Variants in INTS6 observed in about 807,000 individuals in gnomAD.
The protein encoded by INTS6 is DEAD box protein.
A neutral mutation model predicts 104.9 loss-of-function variants in INTS6; 16 were observed. The observed-to-expected ratio is 0.15, with a 90% CI of 0.10 to 0.23. INTS6 has a LOEUF of 0.23. INTS6 is among the 10% of genes least tolerant of loss of function. INTS6 has a pLI of 1.00. For synonymous variants in INTS6, 324 were observed against 358.7 expected, an observed-to-expected ratio of 0.90 and a Z score of 1.09; for missense variants, 584 against 1,062.8, an observed-to-expected ratio of 0.55 and a Z score of 6.26.
chr13:51,445,866 C>CTGGATATCCACA (rs1952905816), intron 3 of INTS6: 1 of 152,192 alleles, frequency 6.6e-6, no homozygotes, highest in Non-Finnish European at 1.5e-5. Context: ...GGTGGAAAAA[C>CTGGATATCCACA]TGGATATCCA....
chr13:51,376,330 C>CG (rs1356337205), intron 12 of INTS6, among the ~76,000 whole-genome samples, 156 bp from the exon 13 acceptor site: 9 of 151,982 alleles, frequency 5.9e-5, no homozygotes, highest in Non-Finnish European at 1.0e-4. Context: ...CTTAATGTAC[C>CG]GGTTCAGGGC....
rs140833792 is a variant in INTS6, at chr13:51,379,623, T to C, written c.1276-51A>G. The stretch of plus-strand genomic sequence containing the variant: ...CAATATTAAGCTTATTAAAAACTTA[T>C]GGTTCCATGTATAGTCTGTCTTAAA... On this transcript the variant is annotated intron_variant, in intron 10 of 17. Coordinates refer to ENST00000311234, the MANE Select transcript of INTS6 (RefSeq NM_012141.3). 2,138 of 1,054,414 alleles carry C rather than the reference T, an allele frequency of 2.0e-3. 24 individuals are homozygous for C. The African/African-American group carries it at 0.029, about 14-fold the overall frequency. 65.3% of individuals were successfully genotyped at this position (1,054,414 alleles called of 1,614,324 possible).
chr13:51,389,982 T>C (rs1185889635), intron 5 of INTS6, among the ~76,000 whole-genome samples: 2 of 152,152 alleles, frequency 1.3e-5, no homozygotes, highest in African/African-American at 2.4e-5. Context: ...ATACAGATGG[T>C]AGCGTGTGCT....
At chr13:51,338,674 G>T in the INTS6 span, among the ~76,000 whole-genome samples, 6 of 152,168 alleles carry the variant, frequency 3.9e-5, no homozygotes, top group Non-Finnish European at 8.8e-5. Context: ...CAATTGCATT[G>T]AATCTAAAGT....
Position 51,389,460 on chromosome 13 carries a change from AG to A in INTS6, c.614-17del. On this transcript the variant is annotated splice_polypyrimidine_tract_variant and intron_variant, in intron 5 of 17. Coordinates refer to ENST00000311234, the MANE Select transcript of INTS6 (RefSeq NM_012141.3). ...TATGAACGGCCTGAGATTAAAAAAA[AG>A]AAGAAGAAGAAGAAGAAGAATATAG... 1.4e-6 allele frequency: 2 copies of A among 1,417,822 alleles called. No homozygotes were observed. The highest frequency in any genetic ancestry group is 1.9e-6 in the Non-Finnish European group (2 of 1,059,968). The allele number at this position is 1,417,822 out of a possible 1,614,324, so 87.8% of individuals were successfully genotyped here. A position where few individuals can be genotyped will look rare whatever the true frequency, so the allele number is the denominator to read the frequency against.
chr13:51,410,132 A>T (rs1009115186), intron 4 of INTS6, among the ~76,000 whole-genome samples: 3 of 152,224 alleles, frequency 2.0e-5, no homozygotes, highest in Admixed American at 2.0e-4. Flanking sequence ...AATAGCCAAT[A>T]AGGTAAAAAG....
chr13:51,386,961 A>AACCTC (rs1956150605), intron 7 of INTS6, among the ~76,000 whole-genome samples: 1 of 152,186 alleles, frequency 6.6e-6, no homozygotes, highest in African/African-American at 2.4e-5. Context: ...CCAATCTGCA[A>AACCTC]CACTGTATAT....
Position 51,430,303 on chromosome 13 carries a change from G to A in INTS6, c.420C>T (p.Val140=), listed in dbSNP as rs1275443311. 6.2e-7 allele frequency: 1 copy of A among 1,612,484 alleles called. No homozygotes were observed. The highest frequency in any genetic ancestry group is 8.5e-7 in the Non-Finnish European group (1 of 1,179,210). Residue 140 remains valine (V), a synonymous_variant, in exon 4 of 18, where the codon GTC becomes GTT. Coordinates refer to ENST00000311234, the MANE Select transcript of INTS6 (RefSeq NM_012141.3). ...TATAAGCACAACTTACCTCATCCTGGACTCCACTGGTGGTAGTCAACTTGC... is the reference window on the plus strand; with the variant it reads ...TATAAGCACAACTTACCTCATCCTGAACTCCACTGGTGGTAGTCAACTTGC... The part of the protein sequence containing the change: ...DGSKLTTTSG[V]QDELHLPLNS...
chr13:51,434,209 C>T (rs1301446669), intron 3 of INTS6, among the ~76,000 whole-genome samples: 2 of 152,084 alleles, frequency 1.3e-5, no homozygotes, highest in East Asian at 1.9e-4. Flanking sequence ...TTGGTAGATT[C>T]CTGTGATTCT....
In INTS6 at chr13:51,365,563, A is replaced by G. The variant is rs375240465; in HGVS notation, c.*189T>C. 7 of 372,476 alleles carry G rather than the reference A, an allele frequency of 1.9e-5. No homozygotes were observed. Among genetic ancestry groups the G allele is most frequent in the Non-Finnish European group, 3.5e-5 (7 of 199,168 alleles). 23.1% of individuals were successfully genotyped at this position (372,476 alleles called of 1,614,324 possible). A position where few individuals can be genotyped will look rare whatever the true frequency, so the allele number is the denominator to read the frequency against. Reference sequence around the variant, plus strand: ...TGTTTTTTAGAGTGATACTTTTCACATTACAAAAATAAACCAAAATGAAGA... The same window carrying G: ...TGTTTTTTAGAGTGATACTTTTCACGTTACAAAAATAAACCAAAATGAAGA... On this transcript the variant is annotated 3_prime_UTR_variant, in exon 18 of 18. Coordinates refer to ENST00000311234, the MANE Select transcript of INTS6 (RefSeq NM_012141.3).
At chr13:51,359,055 C>T (rs1057196746), downstream of INTS6, among the ~76,000 whole-genome samples, 5 of 152,088 alleles carry the variant, frequency 3.3e-5, no homozygotes, top group Non-Finnish European at 5.9e-5. Context: ...GCATCTCCCA[C>T]ATATAATTAA....
intron 11 of INTS6, 73 bp from the exon 12 acceptor site, chr13:51,378,527 T>G (rs1955980470): frequency 1.2e-6 from 1 of 809,056 alleles, no homozygotes; most frequent in Admixed American, 3.2e-5. Flanking sequence ...GGTTATGATC[T>G]TCTATAAATT....
the INTS6 span, among the ~76,000 whole-genome samples, chr13:51,340,376 C>T: frequency 6.6e-6 from 1 of 152,068 alleles, no homozygotes; most frequent in Non-Finnish European, 1.5e-5. Flanking sequence ...TGAAAATATT[C>T]TTTTTTAGAG....
chr13:51,358,267 A>T (rs960213136), downstream of INTS6, among the ~76,000 whole-genome samples: 2 of 152,160 alleles, frequency 1.3e-5, no homozygotes, highest in Non-Finnish European at 2.9e-5. Flanking sequence ...AAAAGCCACT[A>T]ACACTGGCTA....
At chr13:51,412,511 G>T (rs564309548) in intron 4 of INTS6, among the ~76,000 whole-genome samples, 1 of 152,114 alleles carries the variant, frequency 6.6e-6, no homozygotes, top group East Asian at 1.9e-4. Flanking sequence ...CTTTCCATGC[G>T]GACACAAAAG....
intron 3 of INTS6, among the ~76,000 whole-genome samples, chr13:51,435,315 A>C (rs969173739): frequency 2.6e-5 from 4 of 151,990 alleles, no homozygotes; most frequent in Admixed American, 2.6e-4. Context: ...CTAGCTCTAG[A>C]GCTACTTACT....
intron 10 of INTS6, among the ~76,000 whole-genome samples, chr13:51,380,231 T>C (rs942443241): frequency 6.6e-6 from 1 of 152,110 alleles, no homozygotes; most frequent in East Asian, 1.9e-4. Flanking sequence ...ATATTTATTA[T>C]GGATGTGGTA....
At chr13:51,437,298 T>C (rs1952709211) in intron 3 of INTS6, 1 of 152,302 alleles carries the variant, frequency 6.6e-6, no homozygotes, top group Admixed American at 6.5e-5. Context: ...AATCTACAGA[T>C]GCTACCTTTG....
intron 3 of INTS6, among the ~76,000 whole-genome samples, chr13:51,354,684 A>G (rs1456756746): frequency 6.6e-6 from 1 of 152,222 alleles, no homozygotes; most frequent in Non-Finnish European, 1.5e-5. Context: ...AGGAAGCAGA[A>G]TGTTCTATAT....
Sources: gnomAD v4.1 joint callset for allele counts (sites outside exome capture counted in the v4.1 genomes callset) on GRCh38, gnomAD v4.1.1 for gene constraint, MANE v1.5 for transcripts, NCBI Gene and HGNC (gene_info 2026-07-23, HGNC 2026-07-21) for gene names.